Variants in C3orf49 observed in about 807,000 individuals in gnomAD.
C3orf49 encodes the protein putative uncharacterized protein C3orf49.
C3orf49 carries 27 observed loss-of-function variants against 13.3 expected under a neutral mutation model. That is an observed-to-expected ratio of 2.02 (90% confidence interval 1.49 to 2.79). The LOEUF is 2.79. Among genes scored for constraint, C3orf49 ranks in the 30% most tolerant of loss-of-function variants. The probability of loss-of-function intolerance (pLI) is 0.00; values close to 1 mark genes in which losing one functional copy is unlikely to be tolerated. For synonymous variants in C3orf49, 87 were observed against 47.6 expected, an observed-to-expected ratio of 1.83 and a Z score of -3.40; for missense variants, 242 against 134.2, an observed-to-expected ratio of 1.80 and a Z score of -3.97.
chr3:63,800,983 A>G, the C3orf49 span, among the ~76,000 whole-genome samples: 1 of 152,190 alleles, frequency 6.6e-6, no homozygotes, highest in Non-Finnish European at 1.5e-5. Flanking sequence ...GCAAATGCTC[A>G]TCAAGTGTCC....
the C3orf49 span, among the ~76,000 whole-genome samples, chr3:63,802,040 C>A: frequency 2.6e-5 from 4 of 152,220 alleles, no homozygotes; most frequent in Non-Finnish European, 5.9e-5. Context: ...TTACTTCCAT[C>A]CAGGGAATAG....
At chr3:63,787,503 C>A in the C3orf49 span, among the ~76,000 whole-genome samples, 2 of 149,032 alleles carry the variant, frequency 1.3e-5, no homozygotes, top group African/African-American at 2.6e-5. Flanking sequence ...GCTACATCTT[C>A]ATGAGGTTTA....
At chr3:63,814,081 G>C in the C3orf49 span, among the ~76,000 whole-genome samples, 1 of 152,318 alleles carries the variant, frequency 6.6e-6, no homozygotes, top group East Asian at 1.9e-4. Context: ...ATAGCAAGAA[G>C]ATGCAAAAAC....
chr3:63,802,832 C>A, the C3orf49 span, among the ~76,000 whole-genome samples: 1 of 151,792 alleles, frequency 6.6e-6, no homozygotes, highest in Admixed American at 6.6e-5. Flanking sequence ...TTTATCAGAC[C>A]CCCAAATCAG....
At chr3:63,794,233 ACTCTACTTGCCATTTTG>A in the C3orf49 span, among the ~76,000 whole-genome samples, 2 of 151,630 alleles carry the variant, frequency 1.3e-5, no homozygotes, top group Non-Finnish European at 1.5e-5. Flanking sequence ...ACATGCAATT[ACTCTACTTGCCATTTTG>A]AATATGTTCC....
At chr3:63,835,040 C>T (rs1355749053) in intron 5 of C3orf49, 10 of 1,013,280 alleles carry the variant, frequency 9.9e-6, no homozygotes, top group East Asian at 2.6e-5. Flanking sequence ...TCCAGCTACA[C>T]TGTTCAGAAA....
upstream of C3orf49, among the ~76,000 whole-genome samples, chr3:63,815,771 C>CTTT (rs1227837780): frequency 0.039 from 5,328 of 136,478 alleles, 320 homozygotes; most frequent in African/African-American, 0.11. Flanking sequence ...TCTTTTCTTT[C>CTTT]TTTTTTTTTT....
At chr3:63,805,812 A>T in the C3orf49 span, among the ~76,000 whole-genome samples, 1 of 152,184 alleles carries the variant, frequency 6.6e-6, no homozygotes, top group Non-Finnish European at 1.5e-5. Flanking sequence ...CTCTATTACT[A>T]CTTAAACATG....
At chr3:63,834,817 G>A (rs2087704) in intron 5 of C3orf49, among the ~76,000 whole-genome samples, 1 of 151,852 alleles carries the variant, frequency 6.6e-6, no homozygotes, top group Non-Finnish European at 1.5e-5. Context: ...GCAAATGTTC[G>A]TATGTACTGA....
upstream of C3orf49, among the ~76,000 whole-genome samples, chr3:63,816,769 C>CT (rs543894356): frequency 0.78 from 75,477 of 97,296 alleles, 30,952 homozygotes; most frequent in South Asian, 0.87. Flanking sequence ...CTTTTCTTTT[C>CT]TTTTTTTTTT....
chr3:63,823,618 G>C, intron 2 of C3orf49, 49 bp downstream of exon 2: 1 of 658,732 alleles, frequency 1.5e-6, no homozygotes. Flanking sequence ...AAGAGGAAGA[G>C]TGAAATTAGG....
intron 6 of C3orf49, among the ~76,000 whole-genome samples, chr3:63,845,538 C>T (rs940997616): frequency 6.6e-6 from 1 of 152,172 alleles, no homozygotes; most frequent in African/African-American, 2.4e-5. Context: ...ACGGCAGTCA[C>T]AGTAAGTGGT....
intron 5 of C3orf49, chr3:63,836,157 G>T: frequency 3.0e-6 from 2 of 674,500 alleles, no homozygotes; most frequent in Non-Finnish European, 2.3e-6. Context: ...AAATCTAACA[G>T]AGAAGTATGG....
At chr3:63,838,299 A>C in intron 5 of C3orf49, 1 of 1,115,584 alleles carries the variant, frequency 9.0e-7, no homozygotes, top group Non-Finnish European at 1.3e-6. Flanking sequence ...CACCAAAGAA[A>C]ATTGTTAGCA....
chr3:63,809,463 C>G, the C3orf49 span, among the ~76,000 whole-genome samples: 7 of 152,346 alleles, frequency 4.6e-5, no homozygotes, highest in South Asian at 1.4e-3. Flanking sequence ...GCACATCTTA[C>G]GTGAGTGAGC....
the C3orf49 span, among the ~76,000 whole-genome samples, chr3:63,780,211 A>G: frequency 6.6e-6 from 1 of 152,054 alleles, no homozygotes; most frequent in Non-Finnish European, 1.5e-5. Flanking sequence ...TCATTGTTCA[A>G]TTCCCACCTA....
At chr3:63,810,004 C>T in the C3orf49 span, among the ~76,000 whole-genome samples, 1 of 148,100 alleles carries the variant, frequency 6.8e-6, no homozygotes, top group Non-Finnish European at 1.5e-5. Context: ...AAAAAATTAG[C>T]CGGGGCATGG....
chr3:63,842,396 A>C (rs144616686), intron 5 of C3orf49, among the ~76,000 whole-genome samples: 91 of 152,332 alleles, frequency 6.0e-4, no homozygotes, highest in African/African-American at 2.1e-3. Context: ...TATGGAAAAC[A>C]AAATGAAGAG....
the C3orf49 span, among the ~76,000 whole-genome samples, chr3:63,811,084 G>T: frequency 1.3e-5 from 2 of 152,150 alleles, no homozygotes; most frequent in South Asian, 4.1e-4. Flanking sequence ...CTGACCTCAA[G>T]TGATCCGCCT....
Sources: gnomAD v4.1 joint callset for allele counts (sites outside exome capture counted in the v4.1 genomes callset) on GRCh38, gnomAD v4.1.1 for gene constraint, MANE v1.5 for transcripts, NCBI Gene and HGNC (gene_info 2026-07-23, HGNC 2026-07-21) for gene names.